TBCK: variants seen among roughly 807,000 people sequenced by gnomAD.
TBCK encodes TBC1 domain containing kinase.
Under a neutral mutation model 113.4 loss-of-function variants are expected in TBCK, and 99 were observed. The observed-to-expected ratio is 0.87, with a 90% CI of 0.74 to 1.03. The LOEUF (loss-of-function observed/expected upper bound fraction) is 1.03, where lower values mean the gene tolerates loss of function less well. TBCK is among the 50% of genes least tolerant of loss of function. The probability of loss-of-function intolerance (pLI) is 0.00; values close to 1 mark genes in which losing one functional copy is unlikely to be tolerated. For synonymous variants in TBCK, 369 were observed against 370.8 expected, an observed-to-expected ratio of 1.00 and a Z score of 0.05; for missense variants, 1,045 against 1,061.3, an observed-to-expected ratio of 0.98 and a Z score of 0.21.
intron 19 of TBCK, among the ~76,000 whole-genome samples, chr4:106,219,957 T>C (rs1366356486): frequency 6.6e-6 from 1 of 152,258 alleles, no homozygotes; most frequent in Non-Finnish European, 1.5e-5. Flanking sequence ...CAAAAAATAA[T>C]GTCTGCCTTG....
At chr4:106,179,890 TTAATA>T (rs1163861991) in intron 22 of TBCK, among the ~76,000 whole-genome samples, 1 of 152,112 alleles carries the variant, frequency 6.6e-6, no homozygotes. Context: ...TTTAGGTTAA[TTAATA>T]TTTGTTTTAT....
chr4:106,234,802 A>C (rs1398197103), intron 15 of TBCK, among the ~76,000 whole-genome samples: 1 of 152,086 alleles, frequency 6.6e-6, no homozygotes, highest in Non-Finnish European at 1.5e-5. Flanking sequence ...CCACAGAGAA[A>C]GTGCTATTTC....
intron 13 of TBCK, 40 bp from the exon 14 acceptor site, chr4:106,236,559 C>A (rs1330217743): frequency 5.0e-6 from 7 of 1,392,098 alleles, no homozygotes; most frequent in African/African-American, 3.0e-5. Context: ...AAAAAATGGA[C>A]AAAAGGTACA....
At chr4:106,184,164 G>C (rs2149787022) in intron 22 of TBCK, among the ~76,000 whole-genome samples, 1 of 151,978 alleles carries the variant, frequency 6.6e-6, no homozygotes, top group East Asian at 1.9e-4. Context: ...CAGTGCCTCA[G>C]CTTCTAAATC....
chr4:106,126,177 T>G (rs1036588336), intron 23 of TBCK, among the ~76,000 whole-genome samples: 1 of 152,210 alleles, frequency 6.6e-6, no homozygotes, highest in African/African-American at 2.4e-5. Flanking sequence ...CAAACACTAC[T>G]TTCTCTGTGA....
At chr4:106,147,085 C>T (rs1747887937) in intron 23 of TBCK, among the ~76,000 whole-genome samples, 2 of 152,214 alleles carry the variant, frequency 1.3e-5, no homozygotes, top group South Asian at 4.1e-4. Context: ...ATCTCACATT[C>T]CAGTTCTAAT....
At chr4:106,065,119 T>C (rs536572303) in intron 25 of TBCK, among the ~76,000 whole-genome samples, 1 of 152,162 alleles carries the variant, frequency 6.6e-6, no homozygotes, top group African/African-American at 2.4e-5. Context: ...TTCTCCTTTA[T>C]ATCTGAACAC....
intron 25 of TBCK, among the ~76,000 whole-genome samples, chr4:106,062,343 A>G (rs1358865137): frequency 6.6e-6 from 1 of 151,766 alleles, no homozygotes; most frequent in Non-Finnish European, 1.5e-5. Flanking sequence ...CCATCATCTA[A>G]TATCATTTTG....
chr4:106,157,867 C>T (rs1174297787), intron 23 of TBCK, among the ~76,000 whole-genome samples: 1 of 152,130 alleles, frequency 6.6e-6, no homozygotes, highest in Non-Finnish European at 1.5e-5. Context: ...ATTTGGCCAT[C>T]TTACTTTGCC....
intron 14 of TBCK, among the ~76,000 whole-genome samples, chr4:106,235,641 GA>G (rs1311426367): frequency 1.3e-5 from 2 of 151,900 alleles, no homozygotes; most frequent in Non-Finnish European, 2.9e-5. Flanking sequence ...GCTCTGGGGG[GA>G]TTTTAAATGA....
At chr4:106,180,170 A>C (rs1242308564) in intron 22 of TBCK, among the ~76,000 whole-genome samples, 2 of 151,664 alleles carry the variant, frequency 1.3e-5, no homozygotes, top group Non-Finnish European at 2.9e-5. Context: ...TTTTTTTTAA[A>C]TCAATTCAGC....
intron 15 of TBCK, 63 bp from the exon 16 acceptor site, chr4:106,233,713 G>A: frequency 1.5e-6 from 2 of 1,296,960 alleles, no homozygotes; most frequent in South Asian, 1.4e-5. Flanking sequence ...GTAATATAGA[G>A]AAATCTATTT....
intron 3 of TBCK, among the ~76,000 whole-genome samples, chr4:106,280,242 G>A (rs1050119115): frequency 5.3e-5 from 8 of 152,064 alleles, no homozygotes; most frequent in African/African-American, 1.9e-4. Context: ...CTTGTGAGAA[G>A]TGTCTACTCA....
At chr4:106,193,575 T>G in intron 22 of TBCK, 34 bp downstream of exon 22, 1 of 1,607,932 alleles carries the variant, frequency 6.2e-7, no homozygotes, top group Non-Finnish European at 8.5e-7. Context: ...ATAGTCAAAT[T>G]TCATTTAATG....
intron 23 of TBCK, among the ~76,000 whole-genome samples, chr4:106,147,981 T>C (rs1414658998): frequency 6.6e-6 from 1 of 152,194 alleles, no homozygotes; most frequent in Non-Finnish European, 1.5e-5. Context: ...CTGGCCCCCC[T>C]GGGCGTGGCC....
Position 106,043,771 on chromosome 4 carries a change from G to A in TBCK, c.*2799C>T, listed in dbSNP as rs953717251. ...TGTGTGTGTGTGTATGTATATCTGT[G>A]TGGGCTGGTGGTGGTACTTATGGCA... On this transcript the variant is annotated 3_prime_UTR_variant, in exon 26 of 26. Transcript: ENST00000394708. 7 of 151,866 alleles carry A rather than the reference G, an allele frequency of 4.6e-5. No homozygotes were observed. The highest frequency in any genetic ancestry group is 1.5e-4 in the African/African-American group (6 of 41,320). The allele number at this position is 151,866 out of a possible 1,614,324, so 9.4% of individuals were successfully genotyped here. A position where few individuals can be genotyped will look rare whatever the true frequency, so the allele number is the denominator to read the frequency against.
intron 20 of TBCK, among the ~76,000 whole-genome samples, chr4:106,203,915 C>T (rs1395076431): frequency 6.6e-6 from 1 of 152,108 alleles, no homozygotes; most frequent in Admixed American, 6.5e-5. Context: ...GGCAGAAAAT[C>T]TCATCAATTC....
In TBCK at chr4:106,308,810, G is replaced by A; in HGVS notation, c.151C>T (p.Pro51Ser). The change falls in exon 2 of 26, where the codon CCC (proline) becomes TCC (serine). Residue 51 changes from proline (P) to serine (S), a missense_variant. Physicochemically the swap from Pro to Ser is moderately conservative, Grantham distance 74 (BLOSUM62 -1). Coordinates refer to ENST00000394708, the MANE Select transcript of TBCK (RefSeq NM_001163435.3). ...RFQILKTITH[P>S]RLCQYVDISR... ...ATATCCACATACTGGCAGAGTCTGG[G>A]ATGGGTGATGGTTTTAAGGATTTGA... The A allele has an allele frequency of 3.7e-6, 6 of 1,614,166 alleles. No individual in the cohort carries two copies. Among genetic ancestry groups the A allele is most frequent in the Non-Finnish European group, 5.1e-6 (6 of 1,180,018 alleles).
chr4:106,091,817 G>A (rs1317759363), intron 25 of TBCK, among the ~76,000 whole-genome samples: 4 of 152,178 alleles, frequency 2.6e-5, no homozygotes, highest in Non-Finnish European at 5.9e-5. Flanking sequence ...TGCTGGCTGG[G>A]GCAGCCTGCT....
Sources: gnomAD v4.1 joint callset for allele counts (sites outside exome capture counted in the v4.1 genomes callset) on GRCh38, gnomAD v4.1.1 for gene constraint, MANE v1.5 for transcripts, NCBI Gene and HGNC (gene_info 2026-07-23, HGNC 2026-07-21) for gene names.